MEGF11: variants seen among roughly 807,000 people sequenced by gnomAD.
MEGF11 encodes multiple EGF like domains 11, also known as multiple epidermal growth factor-like domains protein 11.
Under a neutral mutation model 146.6 loss-of-function variants are expected in MEGF11, and 126 were observed. The observed-to-expected ratio is 0.86, with a 90% CI of 0.74 to 1.00. The LOEUF is 1.00. Among genes scored for constraint, MEGF11 ranks in the 50% least tolerant of loss-of-function variants. The pLI is 0.00. For missense variants in MEGF11, 1,509 were observed against 1,521.2 expected (o/e 0.99, Z 0.13); for synonymous variants, 532 against 583.4 (o/e 0.91, Z 1.27).
In MEGF11 at chr15:65,916,290, A is replaced by G; in HGVS notation, c.2216-14T>C. On this transcript the variant is annotated splice_polypyrimidine_tract_variant and intron_variant, in intron 17 of 25. Transcript: ENST00000395614. ...CTGCTGGGCAGCCTAGAGAAACAGG[A>G]TTTCCAGTCACGAGAGTTGCTGCTG... 6.4e-7 allele frequency: 1 copy of G among 1,550,758 alleles called. No homozygotes were observed. Among genetic ancestry groups the G allele is most frequent in the Non-Finnish European group, 8.7e-7 (1 of 1,146,322 alleles).
At chr15:65,970,030 CTG>C (rs750716492) in intron 8 of MEGF11, among the ~76,000 whole-genome samples, 2 of 152,128 alleles carry the variant, frequency 1.3e-5, no homozygotes, top group Non-Finnish European at 2.9e-5. Flanking sequence ...TTCCCCAGTT[CTG>C]TGTTTTTTTG....
rs1372023327 is a variant in MEGF11, at chr15:65,980,811, G to T, written c.729C>A (p.Ile243=). 2 of 1,607,532 alleles carry T rather than the reference G, an allele frequency of 1.2e-6. No homozygotes were observed. Among genetic ancestry groups the T allele is most frequent in the East Asian group, 2.2e-5 (1 of 44,654 alleles). Residue 243 remains isoleucine (I), a synonymous_variant, in exon 7 of 26, where the codon ATC becomes ATA. Coordinates refer to ENST00000395614, the MANE Select transcript of MEGF11 (RefSeq NM_001385028.1). ...PCQNGGTCHH[I]TGECACPPGW... is the part of the protein sequence containing the mutation. ...CTGGGGGGCAGGCACACTCGCCAGTGATGTGGTGGCAGGTGCCCCCATTCT... is the reference window on the plus strand; with the variant it reads ...CTGGGGGGCAGGCACACTCGCCAGTTATGTGGTGGCAGGTGCCCCCATTCT...
intron 1 of MEGF11, among the ~76,000 whole-genome samples, chr15:66,238,661 C>G (rs561271286): frequency 8.8e-4 from 134 of 152,346 alleles, no homozygotes; most frequent in African/African-American, 3.1e-3. Context: ...ATAACCCTGA[C>G]TGTACAGGTG....
intron 4 of MEGF11, among the ~76,000 whole-genome samples, chr15:66,112,666 TAAA>T (rs57526663): frequency 0.15 from 22,619 of 151,752 alleles, 1,929 homozygotes; most frequent in East Asian, 0.32. Context: ...AACAAACAAA[TAAA>T]AACCCCCAGA....
chr15:66,095,102 T>C (rs1402151605), intron 4 of MEGF11, among the ~76,000 whole-genome samples: 1 of 152,216 alleles, frequency 6.6e-6, no homozygotes, highest in Non-Finnish European at 1.5e-5. Flanking sequence ...TGATGATAAT[T>C]GTAATTAGAA....
rs772779728 is a variant in MEGF11, at chr15:66,094,454, G to A, written c.342C>T (p.Ser114=). The change falls in exon 5 of 26, where the codon TCC becomes TCT. Residue 114 remains serine (S), a synonymous_variant. Transcript: ENST00000395614. The part of the protein sequence containing the change: ...TEECVHGRCV[S]PDTCHCEPGW... ...CAGGCTCGCAGTGGCAGGTGTCCGG[G>A]GAAACGCAGCGGCCGTGCACACACT... The A allele has an allele frequency of 7.7e-6, 12 of 1,561,214 alleles. No individual in the cohort carries two copies. The highest frequency in any genetic ancestry group is 1.7e-4 in the Middle Eastern group (1 of 5,998).
chr15:66,182,548 G>C (rs993545500), intron 1 of MEGF11, among the ~76,000 whole-genome samples: 2 of 152,162 alleles, frequency 1.3e-5, no homozygotes, highest in African/African-American at 4.8e-5. Flanking sequence ...TGAGCTCCCT[G>C]GAGCAGCTGG....
At chr15:66,050,786 C>T (rs1167207912) in intron 5 of MEGF11, among the ~76,000 whole-genome samples, 1 of 152,244 alleles carries the variant, frequency 6.6e-6, no homozygotes, top group Non-Finnish European at 1.5e-5. Context: ...CCAGCCAGGG[C>T]CCACCCTGAC....
chr15:66,194,934 C>A (rs1388536964), intron 1 of MEGF11, among the ~76,000 whole-genome samples: 1 of 152,176 alleles, frequency 6.6e-6, no homozygotes, highest in Non-Finnish European at 1.5e-5. Flanking sequence ...TCGTCACTTG[C>A]TGCTCTTGCC....
At chr15:66,199,387 C>T (rs117723375) in intron 1 of MEGF11, among the ~76,000 whole-genome samples, 2,276 of 152,204 alleles carry the variant, frequency 0.015, 29 homozygotes, top group Non-Finnish European at 0.021. Flanking sequence ...CTAGCCTCCA[C>T]GTCCGTCAAG....
chr15:66,084,141 A>G (rs1183823165), intron 5 of MEGF11, among the ~76,000 whole-genome samples: 1 of 152,196 alleles, frequency 6.6e-6, no homozygotes, highest in Non-Finnish European at 1.5e-5. Flanking sequence ...AGGCTACACC[A>G]TCTAGGTTTG....
chr15:65,993,084 T>A (rs2082103595), intron 5 of MEGF11, among the ~76,000 whole-genome samples: 1 of 152,198 alleles, frequency 6.6e-6, no homozygotes, highest in South Asian at 2.1e-4. Flanking sequence ...CGGAGGCTGA[T>A]GCCACCTACC....
Position 65,916,395 on chromosome 15 carries a change from G to A in MEGF11, c.2216-119C>T, listed in dbSNP as rs995349118. 5 of 1,260,032 alleles carry A rather than the reference G, an allele frequency of 4.0e-6. No homozygotes were observed. The African/African-American group carries it at 7.5e-5, about 19-fold the overall frequency. The allele number at this position is 1,260,032 out of a possible 1,614,324, so 78.1% of individuals were successfully genotyped here. A position where few individuals can be genotyped will look rare whatever the true frequency, so the allele number is the denominator to read the frequency against. On this transcript the variant is annotated intron_variant, in intron 17 of 25. Transcript: ENST00000395614. ...CTGAGCATGGGATGAAGACTAGTGA[G>A]ACCCTGCACCAGAGTTGTCTCCCTG...
chr15:66,016,106 T>C (rs563374292), intron 5 of MEGF11, among the ~76,000 whole-genome samples: 2 of 152,090 alleles, frequency 1.3e-5, no homozygotes, highest in South Asian at 4.1e-4. Flanking sequence ...ATCTTTTCCT[T>C]CTATTTAACT....
chr15:65,964,085 G>A (rs1009462142), intron 9 of MEGF11, among the ~76,000 whole-genome samples: 2 of 152,234 alleles, frequency 1.3e-5, no homozygotes, highest in African/African-American at 4.8e-5. Flanking sequence ...AGGCAGCCAC[G>A]ATAAAGGGCT....
At chr15:66,237,144 C>T (rs190380314) in intron 1 of MEGF11, among the ~76,000 whole-genome samples, 52 of 152,296 alleles carry the variant, frequency 3.4e-4, no homozygotes, top group African/African-American at 1.2e-3. Context: ...CCAGGGACCA[C>T]GTTATCTTCA....
intron 1 of MEGF11, among the ~76,000 whole-genome samples, chr15:66,152,888 C>T (rs1039702137): frequency 6.6e-6 from 1 of 152,132 alleles, no homozygotes; most frequent in Admixed American, 6.5e-5. Context: ...AAGGAGGCTG[C>T]CCCTCCCCGC....
intron 10 of MEGF11, among the ~76,000 whole-genome samples, chr15:65,933,415 CA>C (rs1208731936): frequency 6.6e-6 from 1 of 152,220 alleles, no homozygotes; most frequent in Non-Finnish European, 1.5e-5. Context: ...TGCAAGGCCT[CA>C]GGTTGCCTGT....
intron 1 of MEGF11, among the ~76,000 whole-genome samples, chr15:66,193,904 C>T (rs962428255): frequency 9.2e-5 from 14 of 152,108 alleles, no homozygotes; most frequent in Admixed American, 2.6e-4. Context: ...TACCACAGAA[C>T]AAGTAGCTCA....
Sources: allele counts gnomAD v4.1 joint callset (sites outside exome capture counted in the v4.1 genomes callset), GRCh38; gene constraint gnomAD v4.1.1; transcripts MANE v1.5; gene names NCBI Gene and HGNC (gene_info 2026-07-23, HGNC 2026-07-21).